The following NBPF12 variants were observed in gnomAD, a reference collection of about 807,000 sequenced individuals.
NBPF12 encodes NBPF family member NBPF12.
NBPF12 carries 115 observed loss-of-function variants against 146.4 expected under a neutral mutation model. That is an observed-to-expected ratio of 0.79 (90% confidence interval 0.68 to 0.92). The LOEUF is 0.92. Among genes scored for constraint, NBPF12 ranks in the 40% least tolerant of loss-of-function variants. The pLI is 0.00. For synonymous variants in NBPF12, 385 were observed against 508.9 expected, an observed-to-expected ratio of 0.76 and a Z score of 3.28; for missense variants, 1,205 against 1,326.8, an observed-to-expected ratio of 0.91 and a Z score of 1.43.
intron 19 of NBPF12, among the ~76,000 whole-genome samples, chr1:146,982,496 ATATAT>A (rs1388160600): frequency 6.6e-6 from 1 of 151,674 alleles, no homozygotes. Flanking sequence ...GAAAAAGTAA[ATATAT>A]TATATCAAAA....
chr1:146,977,508 A>C, exon 18 of NBPF12: 1 of 1,612,446 alleles, frequency 6.2e-7, no homozygotes, highest in East Asian at 2.2e-5. Flanking sequence ...CTGAGGACTC[A>C]CTGGAGGAGT....
chr1:146,971,783 T>G (rs1449177263), intron 13 of NBPF12, among the ~76,000 whole-genome samples: 2 of 150,814 alleles, frequency 1.3e-5, no homozygotes, highest in Non-Finnish European at 2.9e-5. Flanking sequence ...GTCTTAGCTA[T>G]TAATAAGAAG....
intron 9 of NBPF12, 142 bp downstream of exon 12, chr1:146,966,815 G>C (rs1656242732): frequency 1.7e-6 from 1 of 589,946 alleles, no homozygotes; most frequent in Non-Finnish European, 3.1e-6. Flanking sequence ...TTAACATTTT[G>C]TTAAAGTTGG....
chr1:146,969,889 T>A (rs1479258846), intron 11 of NBPF12, among the ~76,000 whole-genome samples: 1 of 150,808 alleles, frequency 6.6e-6, no homozygotes, highest in African/African-American at 2.5e-5. Context: ...AGGGCGCTTG[T>A]TGGAGTGAAA....
At chr1:146,964,117 T>A (rs1353106752) in intron 6 of NBPF12, among the ~76,000 whole-genome samples, 2 of 142,664 alleles carry the variant, frequency 1.4e-5, no homozygotes, top group Non-Finnish European at 3.0e-5. Flanking sequence ...TTCAGTGATA[T>A]GGGAAGCAAA....
At chr1:146,946,458 A>C (rs1379964932), upstream of NBPF12, among the ~76,000 whole-genome samples, 1 of 137,244 alleles carries the variant, frequency 7.3e-6, no homozygotes, top group Non-Finnish European at 1.5e-5. Context: ...CATCTTTCTC[A>C]TATGCTTATT....
In NBPF12 at chr1:146,972,193, G is replaced by A. The variant is rs1445404253; in HGVS notation, c.1592-558G>A. Among the ~76,000 whole-genome samples, 10 of 150,832 alleles carry A rather than the reference G, an allele frequency of 6.6e-5. 1 individual carries two copies. The highest frequency in any genetic ancestry group is 1.9e-4 in the East Asian group (1 of 5,160). ...GTGGAACACCTGAGGTCAGGAGTTC[G>A]AAACCAGCCTGTCCAAGTTGGCGAA... On this transcript the variant is annotated intron_variant, in intron 13 of 33. Coordinates refer to ENST00000617844, the Ensembl canonical transcript of NBPF12.
In NBPF12 at chr1:146,972,120, G is replaced by A. The variant is rs1353203953; in HGVS notation, c.1592-631G>A. Among the ~76,000 whole-genome samples the A allele has an allele frequency of 6.1e-5, 9 of 148,494 alleles. 1 individual carries two copies. Among genetic ancestry groups the A allele is most frequent in the African/African-American group, 2.3e-4 (9 of 39,554 alleles). On this transcript the variant is annotated intron_variant, in intron 13 of 33. Coordinates refer to ENST00000617844, the Ensembl canonical transcript of NBPF12. The stretch of plus-strand genomic sequence containing the variant: ...AAAAAAAAAGTAAGTCTCTGACCAG[G>A]GGCGCTGGCTCACATCTTAATCCCA...
exon 1 of NBPF12, chr1:146,938,835 C>G (rs1425526261): frequency 2.6e-5 from 4 of 152,708 alleles, no homozygotes; most frequent in Admixed American, 6.5e-5. Flanking sequence ...GGTCGCGAGG[C>G]TGCCTGAGCT....
chr1:146,952,151 C>A (rs1259924955), intron 2 of NBPF12: 1 of 151,766 alleles, frequency 6.6e-6, no homozygotes, highest in African/African-American at 2.4e-5. Context: ...TGAAGAATTT[C>A]TTTTATGATG....
At chr1:146,942,164 T>A (rs1654840516) in intron 1 of NBPF12, among the ~76,000 whole-genome samples, 1 of 151,764 alleles carries the variant, frequency 6.6e-6, no homozygotes, top group African/African-American at 2.4e-5. Context: ...GCTAATTTTT[T>A]ATTTTTTGTA....
chr1:146,972,854 G>A (rs1460772065), exon 14 of NBPF12: 178,673 of 1,255,310 alleles, frequency 0.14, 15,901 homozygotes, highest in Admixed American at 0.34. Context: ...TCAATGAGAA[G>A]TTGCGCCCCC....
chr1:146,970,253 TG>T (rs1656506478), intron 11 of NBPF12, among the ~76,000 whole-genome samples: 1 of 150,336 alleles, frequency 6.7e-6, no homozygotes, highest in Non-Finnish European at 1.5e-5. Flanking sequence ...TAGAGGACTG[TG>T]GGACAAGTTT....
At chr1:146,981,156 G>A (rs1224472961) in intron 19 of NBPF12, among the ~76,000 whole-genome samples, 4 of 132,198 alleles carry the variant, frequency 3.0e-5, no homozygotes, top group Non-Finnish European at 4.8e-5. Flanking sequence ...AGGAGGGGTA[G>A]CATTAGGAGA....
intron 5 of NBPF12, among the ~76,000 whole-genome samples, chr1:146,962,466 T>C (rs1455990205): frequency 6.6e-6 from 1 of 151,930 alleles, no homozygotes; most frequent in Non-Finnish European, 1.5e-5. Context: ...AGCCTTGTTT[T>C]CTCTTTTTCA....
exon 6 of NBPF12, chr1:146,963,305 C>G (rs2101851094): frequency 1.2e-6 from 2 of 1,611,878 alleles, no homozygotes; most frequent in African/African-American, 1.3e-5. Flanking sequence ...AAAAGCTCAG[C>G]CCAGGTAAGG....
At chr1:146,966,365 A>T (rs1656209469) in intron 8 of NBPF12, 99 bp from the exon 12 acceptor site, 3 of 1,059,970 alleles carry the variant, frequency 2.8e-6, no homozygotes, top group Non-Finnish European at 4.4e-6. Flanking sequence ...ATCTTCGAAT[A>T]AGTACACAAG....
At chr1:146,980,212 G>A (rs1474740439) in intron 19 of NBPF12, among the ~76,000 whole-genome samples, 1 of 152,036 alleles carries the variant, frequency 6.6e-6, no homozygotes, top group African/African-American at 2.4e-5. Context: ...GTGTGTCTCT[G>A]CATGTGAGAT....
chr1:146,988,886 CAAAGAAGA>C lies in NBPF12; in HGVS notation c.3345_3352del (p.Arg1116GlyfsTer23), dbSNP rs1657965848. On this transcript the variant is annotated frameshift_variant, in exon 27 of 34. Coordinates refer to ENST00000617844, the Ensembl canonical transcript of NBPF12. LOFTEE classifies it high-confidence loss of function. Reference sequence around the variant, plus strand: ...GGGAAGAAAAGAAGGGGAAGAAGATCAAAGAAGAAAAGAAGAAGGGGAAGAAAAGAAGG... The same window carrying C: ...GGGAAGAAAAGAAGGGGAAGAAGATCAAAGAAGAAGGGGAAGAAAAGAAGG... 6.1e-6 allele frequency: 3 copies of C among 492,132 alleles called. No individual in the cohort carries two copies. The highest frequency in any genetic ancestry group is 1.1e-5 in the Non-Finnish European group (3 of 275,016). The allele number at this position is 492,132 out of a possible 1,614,324, so 30.5% of individuals were successfully genotyped here.
Sources: allele counts gnomAD v4.1 joint callset (sites outside exome capture counted in the v4.1 genomes callset), GRCh38; gene constraint gnomAD v4.1.1; transcripts MANE v1.5; gene names NCBI Gene and HGNC (gene_info 2026-07-23, HGNC 2026-07-21).